The following AFF1 variants were observed in gnomAD, a reference collection of about 807,000 sequenced individuals.
The protein encoded by AFF1 is ALF transcription elongation factor 1, also known as AF4/FMR2 family member 1.
In AFF1, 48 loss-of-function variants were observed where a neutral mutation model predicts 121.7. The ratio of observed to expected loss-of-function variants is 0.39; its 90% CI spans 0.31 to 0.50. The LOEUF is 0.50. Among genes scored for constraint, AFF1 ranks in the 20% least tolerant of loss-of-function variants. AFF1 has a pLI of 0.76. For synonymous variants in AFF1, 613 were observed against 563.0 expected (o/e 1.09, Z -1.26); for missense variants, 1,523 against 1,511.7 (o/e 1.01, Z -0.12).
At chr4:86,945,766 A>G (rs908226150) in intron 1 of AFF1, among the ~76,000 whole-genome samples, 3 of 152,088 alleles carry the variant, frequency 2.0e-5, no homozygotes, top group East Asian at 1.9e-4. Flanking sequence ...TGTTGGGATT[A>G]CAGGCATGAG....
At chr4:87,097,685 C>A (rs1312202340) in intron 8 of AFF1, among the ~76,000 whole-genome samples, 2 of 151,834 alleles carry the variant, frequency 1.3e-5, no homozygotes, top group Non-Finnish European at 2.9e-5. Flanking sequence ...GATACTGAGG[C>A]CGAGTAGATA....
intron 2 of AFF1, among the ~76,000 whole-genome samples, chr4:87,003,273 C>T (rs918541755): frequency 2.6e-5 from 4 of 151,882 alleles, no homozygotes; most frequent in African/African-American, 9.7e-5. Flanking sequence ...TCCATTTATT[C>T]ATTTATTTGA....
At position 87,091,791 on chromosome 4, in the gene AFF1, A is replaced by G; in HGVS notation, c.1192-2A>G. The G allele has an allele frequency of 6.5e-7, 1 of 1,539,324 alleles. No individual in the cohort carries two copies. Among genetic ancestry groups the G allele is most frequent in the Non-Finnish European group, 8.8e-7 (1 of 1,139,474 alleles). On this transcript the variant is annotated splice_acceptor_variant, in intron 6 of 20. Transcript: ENST00000395146. LOFTEE classifies it high-confidence loss of function. The stretch of plus-strand genomic sequence containing the variant: ...AATTAGATATTTTTATTTTCTTTCT[A>G]GGACTCTCAGCATGTCAGTTCTGTA...
At chr4:86,939,558 C>T (rs1720302058) in intron 1 of AFF1, among the ~76,000 whole-genome samples, 1 of 152,192 alleles carries the variant, frequency 6.6e-6, no homozygotes, top group South Asian at 2.1e-4. Flanking sequence ...AGAATCCTTA[C>T]CTTTCTAAAA....
chr4:87,063,833 A>T (rs1721062955), intron 4 of AFF1, among the ~76,000 whole-genome samples: 1 of 152,186 alleles, frequency 6.6e-6, no homozygotes, highest in African/African-American at 2.4e-5. Flanking sequence ...GCTGTAGGAA[A>T]ATTGTATATT....
chr4:87,130,863 G>A (rs900831884), intron 16 of AFF1, among the ~76,000 whole-genome samples: 4 of 152,168 alleles, frequency 2.6e-5, no homozygotes, highest in Non-Finnish European at 5.9e-5. Flanking sequence ...GTCTTAATAC[G>A]GGATCATTTT....
chr4:87,017,199 T>G (rs1157842329), intron 2 of AFF1, among the ~76,000 whole-genome samples: 2 of 151,950 alleles, frequency 1.3e-5, no homozygotes, highest in Non-Finnish European at 2.9e-5. Flanking sequence ...GCCAAACAGT[T>G]TTTCAAACTA....
intron 19 of AFF1, 70 bp from the exon 20 acceptor site, chr4:87,134,401 A>G: frequency 7.3e-7 from 1 of 1,372,430 alleles, no homozygotes; most frequent in South Asian, 1.4e-5. Flanking sequence ...AGTTCCAGAC[A>G]CGTAAATCTG....
intron 2 of AFF1, among the ~76,000 whole-genome samples, chr4:86,985,846 A>T (rs60518843): frequency 6.6e-6 from 1 of 151,154 alleles, no homozygotes; most frequent in Admixed American, 6.6e-5. Context: ...AATGATAGAG[A>T]AAAAGTTATT....
chr4:86,995,330 CCTCTCTTT>C, intron 2 of AFF1, among the ~76,000 whole-genome samples: 1 of 134,234 alleles, frequency 7.4e-6, no homozygotes, highest in African/African-American at 3.5e-5. Context: ...TCTCCCTCTC[CCTCTCTTT>C]CCACGGTCTC....
chr4:87,127,796 C>A, intron 16 of AFF1, 93 bp downstream of exon 16: 1 of 1,295,696 alleles, frequency 7.7e-7, no homozygotes, highest in Non-Finnish European at 1.1e-6. Flanking sequence ...CCATATCACT[C>A]AGCGTATGTG....
intron 2 of AFF1, among the ~76,000 whole-genome samples, chr4:87,026,324 T>A (rs1003716844): frequency 5.3e-5 from 8 of 152,172 alleles, no homozygotes; most frequent in Non-Finnish European, 1.0e-4. Context: ...CTTTGAACCC[T>A]TGACTTCAAG....
chr4:86,954,365 A>G (rs1721589579), intron 2 of AFF1, among the ~76,000 whole-genome samples: 1 of 152,196 alleles, frequency 6.6e-6, no homozygotes, highest in Admixed American at 6.5e-5. Context: ...TGATTAACAC[A>G]TATTTTGATA....
chr4:87,000,563 C>T (rs1725612391), intron 2 of AFF1, among the ~76,000 whole-genome samples: 1 of 149,726 alleles, frequency 6.7e-6, no homozygotes, highest in Admixed American at 6.7e-5. Flanking sequence ...TTTTGTAAAT[C>T]TAAAGTTATT....
chr4:86,998,502 T>C (rs1324742685), intron 2 of AFF1, among the ~76,000 whole-genome samples: 1 of 152,256 alleles, frequency 6.6e-6, no homozygotes, highest in Non-Finnish European at 1.5e-5. Context: ...TAACGTCATC[T>C]GACTGTTCCA....
chr4:87,114,516 G>C lies in AFF1; in HGVS notation c.1683G>C (p.Gln561His), dbSNP rs1168251137. 1.2e-6 allele frequency: 2 copies of C among 1,613,414 alleles called. No individual in the cohort carries two copies. Among genetic ancestry groups the C allele is most frequent in the Non-Finnish European group, 1.7e-6 (2 of 1,179,904 alleles). The change falls in exon 12 of 21, where the codon CAG becomes CAC. Residue 561 changes from glutamine to histidine, a missense_variant. Around this residue, in one of 5 missense-constraint regions of AFF1, gnomAD observed 905 missense variants for 842.5 expected, o/e 1.07. Transcript: ENST00000395146. Reference protein sequence around the residue: ...SKGSSDSATSQEHSESKDPPP... With the variant: ...SKGSSDSATSHEHSESKDPPP... ...GCAGCAGCGACAGTGCCACGAGTCA[G>C]GAGCATTCTGAATCCAAAGATCCTC... is the stretch of plus-strand genomic sequence containing the variant.
At chr4:87,089,714 A>G (rs760483680) in intron 5 of AFF1, among the ~76,000 whole-genome samples, 15 of 152,240 alleles carry the variant, frequency 9.9e-5, no homozygotes, top group Non-Finnish European at 1.9e-4. Context: ...TATGTGCTTG[A>G]TAATATTCAG....
intron 2 of AFF1, among the ~76,000 whole-genome samples, chr4:87,010,758 A>C (rs528782117): frequency 3.3e-4 from 51 of 152,350 alleles, no homozygotes; most frequent in African/African-American, 9.9e-4. Context: ...GAAAATATAC[A>C]TACCTTCAAA....
chr4:87,123,731 G>A (rs1412915010), intron 12 of AFF1, among the ~76,000 whole-genome samples: 1 of 152,052 alleles, frequency 6.6e-6, no homozygotes, highest in Non-Finnish European at 1.5e-5. Flanking sequence ...GCTGCTTATT[G>A]GTGTCTGGGC....
Sources: gnomAD v4.1 joint callset for allele counts (sites outside exome capture counted in the v4.1 genomes callset) on GRCh38, gnomAD v4.1.1 for gene constraint, gnomAD v4.1.1 regional missense constraint, MANE v1.5 for transcripts, NCBI Gene and HGNC (gene_info 2026-07-23, HGNC 2026-07-21) for gene names.